The following TASP1 variants were observed in gnomAD, a reference collection of about 807,000 sequenced individuals.
TASP1 encodes the protein taspase 1.
A neutral mutation model predicts 56.6 loss-of-function variants in TASP1; 16 were observed. That is an observed-to-expected ratio of 0.28 (90% CI 0.19 to 0.43). The LOEUF (loss-of-function observed/expected upper bound fraction) is 0.43. Among genes scored for constraint, TASP1 ranks in the 20% least tolerant of loss-of-function variants. The pLI is 1.00. For missense variants in TASP1, 393 were observed against 511.6 expected, an observed-to-expected ratio of 0.77 and a Z score of 2.24; for synonymous variants, 179 against 184.2, an observed-to-expected ratio of 0.97 and a Z score of 0.23.
chr20:13,273,215 T>TTTTTATTTTATTTTATTTTA, the TASP1 span, among the ~76,000 whole-genome samples: 5,102 of 130,654 alleles, frequency 0.039, 390 homozygotes, highest in African/African-American at 0.12. Context: ...ACTTGGGTCT[T>TTTTTATTTTATTTTATTTTA]TTTTATTTTA....
the TASP1 span, among the ~76,000 whole-genome samples, chr20:13,210,616 CGTGT>C: frequency 0.026 from 3,871 of 147,372 alleles, 55 homozygotes; most frequent in South Asian, 0.049. Flanking sequence ...CATGTGCACA[CGTGT>C]GTGTGTGTGT....
the TASP1 span, among the ~76,000 whole-genome samples, chr20:13,205,480 G>A: frequency 9.9e-5 from 15 of 152,280 alleles, no homozygotes; most frequent in Admixed American, 2.6e-4. Flanking sequence ...TCTAAAAGCC[G>A]AAGAGTTCAA....
the TASP1 span, among the ~76,000 whole-genome samples, chr20:13,172,280 A>C: frequency 6.6e-6 from 1 of 152,128 alleles, no homozygotes; most frequent in African/African-American, 2.4e-5. Context: ...AAGAACTTAA[A>C]ATTGTTTTCA....
At chr20:13,162,879 C>G in the TASP1 span, among the ~76,000 whole-genome samples, 1 of 152,170 alleles carries the variant, frequency 6.6e-6, no homozygotes, top group South Asian at 2.1e-4. Flanking sequence ...CTAAGATGCC[C>G]ACGGTTCTTC....
At chr20:13,199,758 A>T in the TASP1 span, among the ~76,000 whole-genome samples, 1 of 152,200 alleles carries the variant, frequency 6.6e-6, no homozygotes, top group East Asian at 1.9e-4. Flanking sequence ...AAGAGGGTGA[A>T]GCCTGTGTTC....
the TASP1 span, among the ~76,000 whole-genome samples, chr20:13,105,893 G>A: frequency 6.6e-6 from 1 of 152,164 alleles, no homozygotes; most frequent in Non-Finnish European, 1.5e-5. Flanking sequence ...AGGAAAGGAA[G>A]ACTGGTTCTC....
chr20:13,595,695 A>C (rs1487547359), intron 4 of TASP1, among the ~76,000 whole-genome samples: 1 of 152,226 alleles, frequency 6.6e-6, no homozygotes, highest in Non-Finnish European at 1.5e-5. Context: ...ATATATATGC[A>C]CCAAATACAA....
the TASP1 span, among the ~76,000 whole-genome samples, chr20:13,341,988 C>T: frequency 2.0e-5 from 3 of 152,166 alleles, no homozygotes; most frequent in Non-Finnish European, 2.9e-5. Flanking sequence ...CCCCTTGAAG[C>T]CTAAGTTCAG....
At chr20:13,143,996 C>T in the TASP1 span, among the ~76,000 whole-genome samples, 3 of 152,176 alleles carry the variant, frequency 2.0e-5, no homozygotes, top group Non-Finnish European at 4.4e-5. Context: ...TCCTAACCCC[C>T]TCAGAGCATG....
chr20:13,184,292 T>A, the TASP1 span, among the ~76,000 whole-genome samples: 2 of 152,162 alleles, frequency 1.3e-5, no homozygotes, highest in African/African-American at 4.8e-5. Flanking sequence ...TACATGATGA[T>A]GAACTAACCA....
rs555433727 is a variant in TASP1, at chr20:13,580,310, G to A, written c.488+587C>T. On this transcript the variant is annotated intron_variant, in intron 6 of 13. Coordinates refer to ENST00000337743, the MANE Select transcript of TASP1 (RefSeq NM_017714.3). ...AAAAATAAAAATAATGTCCAGGAAC[G>A]GTGGCACATGCATGTAGTCCCAGCT... Among the ~76,000 whole-genome samples the A allele has an allele frequency of 6.6e-5, 10 of 152,206 alleles. 1 individual carries two copies. The South Asian group carries it at 1.2e-3, about 19-fold the overall frequency.
the TASP1 span, among the ~76,000 whole-genome samples, chr20:13,191,895 T>G: frequency 6.6e-6 from 1 of 152,184 alleles, no homozygotes; most frequent in Non-Finnish European, 1.5e-5. Context: ...AAATTGTTAA[T>G]TATATTTCTA....
At chr20:13,302,166 T>C in the TASP1 span, among the ~76,000 whole-genome samples, 2 of 152,312 alleles carry the variant, frequency 1.3e-5, no homozygotes, top group South Asian at 4.2e-4. Context: ...AGAGCTTTCT[T>C]ACTACGGTGA....
chr20:13,429,052 T>C (rs542820633), intron 12 of TASP1, among the ~76,000 whole-genome samples: 26 of 152,332 alleles, frequency 1.7e-4, no homozygotes, highest in Non-Finnish European at 2.4e-4. Flanking sequence ...ATTTCAAACC[T>C]CTATAGCCCC....
At chr20:13,454,262 T>C (rs1271651030) in intron 11 of TASP1, among the ~76,000 whole-genome samples, 3 of 152,064 alleles carry the variant, frequency 2.0e-5, no homozygotes, top group African/African-American at 7.2e-5. Context: ...AATTGAAACT[T>C]GCTGCTCTGT....
At chr20:13,163,806 C>T in the TASP1 span, among the ~76,000 whole-genome samples, 1 of 152,172 alleles carries the variant, frequency 6.6e-6, no homozygotes, top group African/African-American at 2.4e-5. Context: ...TCTTCCTCCT[C>T]ATTTGGCAGG....
At chr20:13,578,117 A>T (rs1282066852) in intron 6 of TASP1, among the ~76,000 whole-genome samples, 2 of 152,202 alleles carry the variant, frequency 1.3e-5, no homozygotes. Context: ...CATCAACAGC[A>T]GAAGAATCTA....
chr20:13,318,329 T>C, the TASP1 span, among the ~76,000 whole-genome samples: 1 of 152,152 alleles, frequency 6.6e-6, no homozygotes. Flanking sequence ...CAACATCAGA[T>C]GCTGACAAGG....
At chr20:13,556,408 T>A (rs1601234018) in intron 8 of TASP1, among the ~76,000 whole-genome samples, 1 of 152,176 alleles carries the variant, frequency 6.6e-6, no homozygotes, top group East Asian at 1.9e-4. Flanking sequence ...ATTATTCACA[T>A]AGTAGCCCAT....
Sources: gnomAD v4.1 joint callset for allele counts (sites outside exome capture counted in the v4.1 genomes callset) on GRCh38, gnomAD v4.1.1 for gene constraint, MANE v1.5 for transcripts, NCBI Gene and HGNC (gene_info 2026-07-23, HGNC 2026-07-21) for gene names.